The following CDCA7L variants were observed in gnomAD, a reference collection of about 807,000 sequenced individuals.
CDCA7L encodes the protein cell division cycle associated 7 like.
A neutral mutation model predicts 57.4 loss-of-function variants in CDCA7L; 44 were observed. The ratio of observed to expected loss-of-function variants is 0.77; its 90% CI spans 0.60 to 0.98. The LOEUF is 0.98. CDCA7L is among the 50% of genes least tolerant of loss of function. The pLI is 0.00. For synonymous variants in CDCA7L, 236 were observed against 202.8 expected (o/e 1.16, Z -1.39); for missense variants, 644 against 580.6 (o/e 1.11, Z -1.12).
chr7:21,914,320 T>A (rs1279240271), intron 2 of CDCA7L, among the ~76,000 whole-genome samples: 1 of 152,160 alleles, frequency 6.6e-6, no homozygotes, highest in East Asian at 1.9e-4. Flanking sequence ...CCAGGGAAGC[T>A]AGAAAGCACC....
chr7:21,908,540 A>T, intron 3 of CDCA7L, 33 bp from the exon 4 acceptor site: 3 of 1,483,278 alleles, frequency 2.0e-6, no homozygotes, highest in Non-Finnish European at 2.7e-6. Context: ...AAGCACAAAG[A>T]CACTGTTACA....
At chr7:21,930,137 C>A (rs968975319) in intron 1 of CDCA7L, among the ~76,000 whole-genome samples, 6 of 152,098 alleles carry the variant, frequency 3.9e-5, no homozygotes, top group Non-Finnish European at 8.8e-5. Flanking sequence ...CAAGTGCAAT[C>A]AAATTGGAAC....
chr7:21,902,947 CT>C (rs752071165), intron 9 of CDCA7L, 30 bp downstream of exon 9: 55 of 1,602,170 alleles, frequency 3.4e-5, no homozygotes, highest in Non-Finnish European at 4.3e-5. Context: ...AGATTTCAAG[CT>C]GTTTTGTAAG....
chr7:21,932,710 C>A (rs1190948301), intron 1 of CDCA7L, among the ~76,000 whole-genome samples: 2 of 152,094 alleles, frequency 1.3e-5, no homozygotes, highest in Non-Finnish European at 2.9e-5. Context: ...TAGAAAAAAA[C>A]CTAGGCAATA....
intron 3 of CDCA7L, among the ~76,000 whole-genome samples, chr7:21,909,616 TA>T (rs1785250914): frequency 6.6e-6 from 1 of 152,184 alleles, no homozygotes; most frequent in Non-Finnish European, 1.5e-5. Flanking sequence ...ATCTATTTTT[TA>T]ATACCCTGAA....
chr7:21,933,524 A>G (rs983238390), intron 1 of CDCA7L, among the ~76,000 whole-genome samples: 2 of 152,216 alleles, frequency 1.3e-5, no homozygotes, highest in Non-Finnish European at 2.9e-5. Flanking sequence ...GCAGGAAACC[A>G]GCTAAATTAT....
At chr7:21,920,426 ATGCTTCT>A (rs1785615747) in intron 1 of CDCA7L, among the ~76,000 whole-genome samples, 1 of 152,218 alleles carries the variant, frequency 6.6e-6, no homozygotes, top group Admixed American at 6.5e-5. Context: ...CCTTATTTTA[ATGCTTCT>A]TGATTAAAAA....
intron 3 of CDCA7L, among the ~76,000 whole-genome samples, chr7:21,909,752 C>G (rs1785254951): frequency 6.6e-6 from 1 of 152,148 alleles, no homozygotes; most frequent in Non-Finnish European, 1.5e-5. Context: ...CATCGACAGG[C>G]CTCTCTTTAC....
At chr7:21,903,478 G>C (rs974461033) in intron 8 of CDCA7L, among the ~76,000 whole-genome samples, 2 of 152,100 alleles carry the variant, frequency 1.3e-5, no homozygotes, top group Non-Finnish European at 2.9e-5. Flanking sequence ...CCCTTTCAAT[G>C]TGTGCTTATT....
chr7:21,924,249 T>A (rs1293371569), intron 1 of CDCA7L, among the ~76,000 whole-genome samples: 1 of 152,182 alleles, frequency 6.6e-6, no homozygotes, highest in Non-Finnish European at 1.5e-5. Context: ...GGCCAACTGA[T>A]ACAAGGGCTG....
At position 21,911,844 on chromosome 7, in the gene CDCA7L, G is replaced by C. The variant is rs1251124935; in HGVS notation, c.166-90C>G. ...AATGAGGAGCTACTGAACGGGTACA[G>C]AGCTTCTGATGGAGATGACGAAAAT... is the stretch of plus-strand genomic sequence containing the variant. On this transcript the variant is annotated intron_variant, in intron 2 of 9. Transcript: ENST00000406877. 3 of 1,266,864 alleles carry C rather than the reference G, an allele frequency of 2.4e-6. No individual in the cohort carries two copies. The African/African-American group carries it at 4.5e-5, about 19-fold the overall frequency. 78.5% of individuals were successfully genotyped at this position (1,266,864 alleles called of 1,614,324 possible). A position where few individuals can be genotyped will look rare whatever the true frequency, so the allele number is the denominator to read the frequency against.
chr7:21,908,566 C>T, intron 3 of CDCA7L, 59 bp from the exon 4 acceptor site: 1 of 1,382,192 alleles, frequency 7.2e-7, no homozygotes, highest in Non-Finnish European at 9.4e-7. Context: ...ACAAAAAAGA[C>T]ATGCATTTAA....
chr7:21,943,029 CGAG>C (rs1435721302), intron 1 of CDCA7L, among the ~76,000 whole-genome samples: 1 of 152,218 alleles, frequency 6.6e-6, no homozygotes, highest in South Asian at 2.1e-4. Context: ...GAACAGAGTA[CGAG>C]GAGAACACTG....
chr7:21,901,701 TA>T lies in CDCA7L; in HGVS notation c.*620del, dbSNP rs574466541. Reference sequence around the variant, plus strand: ...TTAGCCCTTAAACTCTTTCAAAATATAAAAGCAGCAGGCCCCAGGTGAGTCC... The same window carrying T: ...TTAGCCCTTAAACTCTTTCAAAATATAAAGCAGCAGGCCCCAGGTGAGTCC... On this transcript the variant is annotated 3_prime_UTR_variant, in exon 10 of 10. Transcript: ENST00000406877. The T allele has an allele frequency of 6.4e-6, 1 of 156,148 alleles. No homozygotes were observed. Among genetic ancestry groups the T allele is most frequent in the Non-Finnish European group, 1.4e-5 (1 of 70,572 alleles). The allele number at this position is 156,148 out of a possible 1,614,324, so 9.7% of individuals were successfully genotyped here. A position where few individuals can be genotyped will look rare whatever the true frequency, so the allele number is the denominator to read the frequency against.
chr7:21,902,894 G>GGCAACAACTAC, intron 9 of CDCA7L, 84 bp downstream of exon 9: 1 of 1,318,196 alleles, frequency 7.6e-7, no homozygotes. Context: ...CACACGGGAA[G>GGCAACAACTAC]GCAACAACTA....
At chr7:21,922,905 A>G (rs1785700641) in intron 1 of CDCA7L, among the ~76,000 whole-genome samples, 1 of 152,198 alleles carries the variant, frequency 6.6e-6, no homozygotes, top group Non-Finnish European at 1.5e-5. Context: ...AAATGATAAT[A>G]ACCCAGTCTC....
In CDCA7L at chr7:21,906,551, T is replaced by C. The variant is rs774230294; in HGVS notation, c.753+17A>G. On this transcript the variant is annotated intron_variant, in intron 5 of 9. Coordinates refer to ENST00000406877, the MANE Select transcript of CDCA7L (RefSeq NM_018719.5). ...CCATATATCAGTATTGGTATAATTA[T>C]AAGGAGTTCTACTTACAGAAGCTGA... The C allele has an allele frequency of 1.9e-6, 3 of 1,613,880 alleles. No individual in the cohort carries two copies. The highest frequency in any genetic ancestry group is 2.2e-5 in the East Asian group (1 of 44,890).
chr7:21,920,851 T>C (rs1018204752), intron 1 of CDCA7L, among the ~76,000 whole-genome samples: 1 of 152,220 alleles, frequency 6.6e-6, no homozygotes, highest in Non-Finnish European at 1.5e-5. Context: ...AGCTACATAA[T>C]AGCCACTGAG....
chr7:21,921,163 G>A (rs77971788), intron 1 of CDCA7L, among the ~76,000 whole-genome samples: 4,230 of 152,150 alleles, frequency 0.028, 197 homozygotes, highest in African/African-American at 0.096. Context: ...TCCTCCTTCT[G>A]CATCTTTGAC....
Sources: allele counts gnomAD v4.1 joint callset (sites outside exome capture counted in the v4.1 genomes callset), GRCh38; gene constraint gnomAD v4.1.1; transcripts MANE v1.5; gene names NCBI Gene and HGNC (gene_info 2026-07-23, HGNC 2026-07-21).